The following PHF14 variants were observed in gnomAD, a reference collection of about 807,000 sequenced individuals.
PHF14 encodes PHD finger protein 14.
In PHF14, 55 loss-of-function variants were observed where a neutral mutation model predicts 117.9. That is an observed-to-expected ratio of 0.47 (90% CI 0.38 to 0.58). The LOEUF (loss-of-function observed/expected upper bound fraction) is 0.58, where lower values mean the gene tolerates loss of function less well. Among genes scored for constraint, PHF14 ranks in the 20% least tolerant of loss-of-function variants. PHF14 has a pLI of 0.00. For missense variants in PHF14, 978 were observed against 1,122.2 expected (o/e 0.87, Z 1.84); for synonymous variants, 409 against 368.6 (o/e 1.11, Z -1.26).
At chr7:11,134,888 A>AT (rs1439471261) in intron 17 of PHF14, among the ~76,000 whole-genome samples, 1 of 152,112 alleles carries the variant, frequency 6.6e-6, no homozygotes, top group Non-Finnish European at 1.5e-5. Flanking sequence ...CACCAAGTAA[A>AT]TTTTTATCAA....
intron 16 of PHF14, chr7:11,107,567 T>C (rs958178731): frequency 2.0e-5 from 17 of 856,572 alleles, no homozygotes; most frequent in Non-Finnish European, 2.2e-5. Flanking sequence ...GATACTTCTT[T>C]AAGCATCCAG....
chr7:11,031,682 A>C (rs1269866907), intron 7 of PHF14, among the ~76,000 whole-genome samples: 1 of 151,488 alleles, frequency 6.6e-6, no homozygotes, highest in African/African-American at 2.4e-5. Flanking sequence ...TATACCCGGG[A>C]GTTTGAGGCT....
intron 17 of PHF14, among the ~76,000 whole-genome samples, chr7:11,112,130 A>G (rs982984598): frequency 1.3e-5 from 2 of 152,120 alleles, no homozygotes; most frequent in Non-Finnish European, 2.9e-5. Flanking sequence ...CAGACTCCTA[A>G]TGTTTTGACT....
chr7:10,978,075 A>C (rs1025515293), intron 2 of PHF14, among the ~76,000 whole-genome samples: 5 of 152,152 alleles, frequency 3.3e-5, no homozygotes, highest in Admixed American at 1.3e-4. Context: ...TCTTGATCAA[A>C]AGTTAGTTTA....
At chr7:11,040,916 A>G (rs1784484271) in intron 12 of PHF14, 141 bp downstream of exon 12, 1 of 471,030 alleles carries the variant, frequency 2.1e-6, no homozygotes, top group African/African-American at 2.0e-5. Flanking sequence ...TCATTTTCTC[A>G]AAAGATGCAT....
rs543709468 is a variant in PHF14 at position 11,159,006 on chromosome 7, T to A, written c.2773-10410T>A. On this transcript the variant is annotated intron_variant, in intron 17 of 17. Coordinates refer to ENST00000634607, the MANE Select transcript of PHF14 (RefSeq NM_001007157.2). ...CAGTTTAAACTATTTACAGTTTATC[T>A]GGCCTCAGAAGTAATAATATTAAAA... Among the ~76,000 whole-genome samples the A allele has an allele frequency of 6.0e-4, 92 of 152,244 alleles. No homozygotes were observed. The Middle Eastern group carries it at 0.01, about 17-fold the overall frequency.
chr7:11,076,968 A>G (rs1057291605), intron 16 of PHF14, among the ~76,000 whole-genome samples: 1 of 151,444 alleles, frequency 6.6e-6, no homozygotes, highest in Non-Finnish European at 1.5e-5. Flanking sequence ...ATACTAATAT[A>G]TATGTTGTAC....
chr7:11,087,661 A>T (rs1390479129), intron 16 of PHF14, among the ~76,000 whole-genome samples: 1 of 152,148 alleles, frequency 6.6e-6, no homozygotes, highest in Non-Finnish European at 1.5e-5. Flanking sequence ...GATTATAACC[A>T]CAACTATATT....
In PHF14 at chr7:10,974,817, A is replaced by T; in HGVS notation, c.2-18A>T. The T allele has an allele frequency of 7.4e-7, 1 of 1,345,168 alleles. No individual in the cohort carries two copies. The allele number at this position is 1,345,168 out of a possible 1,614,324, so 83.3% of individuals were successfully genotyped here. A position where few individuals can be genotyped will look rare whatever the true frequency, so the allele number is the denominator to read the frequency against. On this transcript the variant is annotated intron_variant, in intron 1 of 17. Coordinates refer to ENST00000634607, the MANE Select transcript of PHF14 (RefSeq NM_001007157.2). ...TGGTGTGATTATGAATGACAATGTA[A>T]TTTTTTTCTCTTCACAGTGGATCGC...
chr7:11,147,161 A>T (rs1459434310), intron 17 of PHF14, among the ~76,000 whole-genome samples: 1 of 152,080 alleles, frequency 6.6e-6, no homozygotes, highest in African/African-American at 2.4e-5. Context: ...TTTTTATTCA[A>T]AGTGAAAGCT....
chr7:11,019,429 G>T (rs888495143), intron 5 of PHF14, among the ~76,000 whole-genome samples: 5 of 152,066 alleles, frequency 3.3e-5, no homozygotes, highest in African/African-American at 1.2e-4. Context: ...CTTGTTATTG[G>T]TCTGTACAGG....
intron 17 of PHF14, among the ~76,000 whole-genome samples, chr7:11,146,386 T>A (rs1788549181): frequency 6.6e-6 from 1 of 152,182 alleles, no homozygotes. Flanking sequence ...TCCTCATCCC[T>A]TCTCCAGCTG....
Position 11,122,656 on chromosome 7 carries a change from T to G in PHF14, c.2772+11189T>G, listed in dbSNP as rs185325421. ...CTTCATGTTACTTTAAAAATTGAATTATCTTTTTCTGGGAATATCAGATAT... is the reference window on the plus strand; with the variant it reads ...CTTCATGTTACTTTAAAAATTGAATGATCTTTTTCTGGGAATATCAGATAT... On this transcript the variant is annotated intron_variant, in intron 17 of 17. Transcript: ENST00000634607. Among the ~76,000 whole-genome samples the G allele has an allele frequency of 5.3e-5, 8 of 152,130 alleles. No homozygotes were observed. In the East Asian group the frequency reaches 1.6e-3, roughly 30 times the overall value.
Position 11,096,642 on chromosome 7 carries a change from A to T in PHF14, c.2655-14708A>T, listed in dbSNP as rs547094244. On this transcript the variant is annotated intron_variant, in intron 16 of 17. Transcript: ENST00000634607. ...TTGGTTGTTGCCAATTATAAAGCAG[A>T]TGTGAAAAGAAAAAGAAAAAGATAA... Among the ~76,000 whole-genome samples, 122 of 152,308 alleles carry T rather than the reference A, an allele frequency of 8.0e-4. 1 individual carries two copies. The highest frequency in any genetic ancestry group is 1.5e-3 in the African/African-American group (64 of 41,580).
At chr7:10,980,412 A>G (rs1421210591) in intron 2 of PHF14, among the ~76,000 whole-genome samples, 1 of 152,152 alleles carries the variant, frequency 6.6e-6, no homozygotes, top group Non-Finnish European at 1.5e-5. Flanking sequence ...TCTGGTTATT[A>G]TTTATTAAAT....
intron 16 of PHF14, among the ~76,000 whole-genome samples, chr7:11,075,579 T>TG (rs1482426121): frequency 4.0e-5 from 6 of 148,606 alleles, no homozygotes; most frequent in African/African-American, 1.2e-4. Flanking sequence ...TTTTTTTTTT[T>TG]TTTTTTTTTT....
At position 11,130,993 on chromosome 7, in the gene PHF14, CT is replaced by C. The variant is rs1041015085; in HGVS notation, c.2772+19536del. Among the ~76,000 whole-genome samples the C allele has an allele frequency of 6.1e-5, 9 of 147,780 alleles. No homozygotes were observed. The highest frequency in any genetic ancestry group is 2.1e-4 in the South Asian group (1 of 4,654). ...GTCATGTCTTTTCATGACTTGAGAG[CT>C]TTTTTTTTTAATCACTGAGTAATGT... is the stretch of plus-strand genomic sequence containing the variant. On this transcript the variant is annotated intron_variant, in intron 17 of 17. Transcript: ENST00000634607. This position sits in a 1 kb window ranked among gnomAD's most constrained non-coding sequence, Gnocchi z 4.2.
At position 10,974,095 on chromosome 7, in the gene PHF14, G is replaced by T; in HGVS notation, c.-229G>T. 2.0e-6 allele frequency: 1 copy of T among 510,306 alleles called. No homozygotes were observed. Among genetic ancestry groups the T allele is most frequent in the African/African-American group, 2.0e-5 (1 of 51,244 alleles). 31.6% of individuals were successfully genotyped at this position (510,306 alleles called of 1,614,324 possible). ...CGGAGGTCTTCTCCGGCCAGGGAGCGCTGTGGGAAGGGGCTCGAGCGGCCA... is the reference window on the plus strand; with the variant it reads ...CGGAGGTCTTCTCCGGCCAGGGAGCTCTGTGGGAAGGGGCTCGAGCGGCCA... On this transcript the variant is annotated 5_prime_UTR_variant, in exon 1 of 18. Coordinates refer to ENST00000634607, the MANE Select transcript of PHF14 (RefSeq NM_001007157.2).
At chr7:11,154,354 T>A (rs1303418916) in intron 17 of PHF14, among the ~76,000 whole-genome samples, 1 of 152,180 alleles carries the variant, frequency 6.6e-6, no homozygotes, top group East Asian at 1.9e-4. Flanking sequence ...AAATTACTTT[T>A]AATTTCTCTT....
Sources: gnomAD v4.1 joint callset for allele counts (sites outside exome capture counted in the v4.1 genomes callset) on GRCh38, gnomAD v4.1.1 for gene constraint, Gnocchi (gnomAD v3.1) non-coding constraint, MANE v1.5 for transcripts, NCBI Gene and HGNC (gene_info 2026-07-23, HGNC 2026-07-21) for gene names.